RXFP1: variants seen among roughly 807,000 people sequenced by gnomAD.
The protein encoded by RXFP1 is relaxin family peptide receptor 1, also known as relaxin receptor 1.
In RXFP1, 73 loss-of-function variants were observed where a neutral mutation model predicts 89.8. The observed-to-expected ratio is 0.81, with a 90% CI of 0.67 to 0.99. The LOEUF (loss-of-function observed/expected upper bound fraction) is 0.99. Ranked by LOEUF, RXFP1 falls within the 50% of genes least tolerant of loss-of-function variation. The probability of loss-of-function intolerance (pLI) is 0.00; values close to 1 mark genes in which losing one functional copy is unlikely to be tolerated. For missense variants in RXFP1, 793 were observed against 895.5 expected, an observed-to-expected ratio of 0.89 and a Z score of 1.46; for synonymous variants, 277 against 305.5, an observed-to-expected ratio of 0.91 and a Z score of 0.97.
At chr4:158,604,948 T>C in intron 4 of RXFP1, 120 bp from the exon 5 acceptor site, 1 of 523,956 alleles carries the variant, frequency 1.9e-6, no homozygotes, top group Non-Finnish European at 3.5e-6. Context: ...AGAGACATTA[T>C]GAAGCAAAAT....
chr4:158,541,610 C>T (rs748438232), intron 1 of RXFP1, among the ~76,000 whole-genome samples: 2 of 152,020 alleles, frequency 1.3e-5, no homozygotes, highest in Non-Finnish European at 2.9e-5. Flanking sequence ...TATAATCATA[C>T]CCATACACCT....
chr4:158,623,446 G>A (rs1156721183), intron 9 of RXFP1, among the ~76,000 whole-genome samples: 1 of 135,092 alleles, frequency 7.4e-6, no homozygotes, highest in Non-Finnish European at 1.5e-5. Flanking sequence ...AAGTTGCAGT[G>A]AGCCGAGATT....
At chr4:158,627,504 GGTGTGTGTGT>G (rs35872724) in intron 10 of RXFP1, among the ~76,000 whole-genome samples, 6,425 of 143,398 alleles carry the variant, frequency 0.045, 384 homozygotes, top group African/African-American at 0.15. Flanking sequence ...TGAGCCTTAG[GGTGTGTGTGT>G]GTGTGTGTGT....
At chr4:158,544,959 A>G (rs1291252904) in intron 1 of RXFP1, among the ~76,000 whole-genome samples, 1 of 152,026 alleles carries the variant, frequency 6.6e-6, no homozygotes, top group Non-Finnish European at 1.5e-5. Context: ...TTGGGTATAT[A>G]CCCAGTAATG....
intron 1 of RXFP1, among the ~76,000 whole-genome samples, chr4:158,570,832 C>G (rs1396025924): frequency 1.3e-5 from 2 of 152,140 alleles, no homozygotes; most frequent in Non-Finnish European, 2.9e-5. Context: ...AAGGATACTT[C>G]TCTACCTCAT....
intron 4 of RXFP1, 43 bp downstream of exon 4, chr4:158,599,474 C>T (rs900734023): frequency 6.8e-7 from 1 of 1,463,544 alleles, no homozygotes; most frequent in Non-Finnish European, 9.5e-7. Flanking sequence ...CTGGGTAGCA[C>T]CTGTAAAATT....
rs762394614 is a variant in RXFP1, at chr4:158,645,089, T to C, written c.1296T>C (p.Tyr432=). The change falls in exon 15 of 18, where the codon TAT becomes TAC. Residue 432 remains tyrosine, a synonymous_variant. Coordinates refer to ENST00000307765, the MANE Select transcript of RXFP1 (RefSeq NM_021634.4). ...GNIFVICMRP[Y]IRSENKLYAM... is the part of the protein sequence containing the mutation. The stretch of plus-strand genomic sequence containing the variant: ...TTTTTGTCATTTGCATGCGACCTTA[T>C]ATCAGGTCTGAGAACAAGCTGTATG... 6.2e-7 allele frequency: 1 copy of C among 1,614,180 alleles called. No homozygotes were observed. Among genetic ancestry groups the C allele is most frequent in the South Asian group, 1.1e-5 (1 of 91,080 alleles).
At chr4:158,544,273 C>G (rs988222765) in intron 1 of RXFP1, 3 of 985,140 alleles carry the variant, frequency 3.0e-6, no homozygotes, top group Non-Finnish European at 3.6e-6. Flanking sequence ...TGTTTCTGAC[C>G]TTGTGGGACA....
In RXFP1 at chr4:158,593,465, C is replaced by G. The variant is rs749301658; in HGVS notation, c.252C>G (p.Ser84=). 1 of 1,610,750 alleles carries G rather than the reference C, an allele frequency of 6.2e-7. No individual in the cohort carries two copies. The highest frequency in any genetic ancestry group is 1.1e-5 in the South Asian group (1 of 90,804). The change falls in exon 3 of 18, where the codon TCC becomes TCG. Residue 84 remains serine, a synonymous_variant. Coordinates refer to ENST00000307765, the MANE Select transcript of RXFP1 (RefSeq NM_021634.4). ...TTGCCAGTTACTACAAAATGACTTC[C>G]CAATATCCTTTTGAGGCAGAAACAC... The part of the protein sequence containing the change: ...KYFASYYKMT[S]QYPFEAETPE...
chr4:158,618,124 T>C (rs1764946186), intron 9 of RXFP1, among the ~76,000 whole-genome samples: 2 of 152,120 alleles, frequency 1.3e-5, no homozygotes, highest in South Asian at 2.1e-4. Flanking sequence ...TACTGTACTG[T>C]ACATTGAAAA....
intron 1 of RXFP1, among the ~76,000 whole-genome samples, chr4:158,532,082 C>T (rs1661092029): frequency 6.6e-6 from 1 of 152,000 alleles, no homozygotes; most frequent in South Asian, 2.1e-4. Context: ...GAATTTTCCC[C>T]CCCTCCTCCC....
At chr4:158,598,746 A>G (rs1416916293) in intron 3 of RXFP1, among the ~76,000 whole-genome samples, 2 of 152,038 alleles carry the variant, frequency 1.3e-5, no homozygotes, top group African/African-American at 4.8e-5. Context: ...TCACTCCCAT[A>G]AATAAACTTT....
At chr4:158,568,144 C>A (rs1289963310) in intron 1 of RXFP1, among the ~76,000 whole-genome samples, 3 of 152,284 alleles carry the variant, frequency 2.0e-5, no homozygotes, top group Middle Eastern at 3.4e-3. Context: ...GACCACGAAC[C>A]CACCAGAAGG....
In RXFP1 at chr4:158,632,728, A is replaced by C. The variant is rs184335946; in HGVS notation, c.900-677A>C. Among the ~76,000 whole-genome samples the C allele has an allele frequency of 6.4e-4, 97 of 152,336 alleles. 1 individual carries two copies. Among genetic ancestry groups the C allele is most frequent in the Admixed American group, 6.1e-3 (93 of 15,308 alleles). On this transcript the variant is annotated intron_variant, in intron 11 of 17. Coordinates refer to ENST00000307765, the MANE Select transcript of RXFP1 (RefSeq NM_021634.4). ...TGTGGAAGAAACTCGAACTTGAAAT[A>C]ATACACTTCCATAATAATCACAACA...
Position 158,639,271 on chromosome 4 carries a change from G to T in RXFP1, c.1055G>T (p.Gly352Val), listed in dbSNP as rs754529885. 1.3e-6 allele frequency: 2 copies of T among 1,545,998 alleles called. No homozygotes were observed. Among genetic ancestry groups the T allele is most frequent in the Non-Finnish European group, 1.8e-6 (2 of 1,118,260 alleles). The change falls in exon 14 of 18, where the codon GGG becomes GTG. Residue 352 changes from glycine (G) to valine (V), a missense_variant. Coordinates refer to ENST00000307765, the MANE Select transcript of RXFP1 (RefSeq NM_021634.4). Reference protein sequence around the residue: ...LVKLKSLSLEGIEISNIQQRM... With the variant: ...LVKLKSLSLEVIEISNIQQRM... Reference sequence around the variant, plus strand: ...TTTGATATTTTTAGCAGCCTAGAAGGGATTGAAATTTCAAATATCCAACAA... The same window carrying T: ...TTTGATATTTTTAGCAGCCTAGAAGTGATTGAAATTTCAAATATCCAACAA...
rs1773036618 is a variant in RXFP1, at chr4:158,653,319, T to C, written c.*1264T>C. On this transcript the variant is annotated 3_prime_UTR_variant, in exon 18 of 18. Transcript: ENST00000307765. The stretch of plus-strand genomic sequence containing the variant: ...AACCATAATGCACTTATTGAATATA[T>C]AGTTGTATAGATTTGTTCTGAAAAT... 3 of 152,216 alleles carry C rather than the reference T, an allele frequency of 2.0e-5. No individual in the cohort carries two copies. Among genetic ancestry groups the C allele is most frequent in the Non-Finnish European group, 1.5e-5 (1 of 68,030 alleles). The allele number at this position is 152,216 out of a possible 1,614,324, so 9.4% of individuals were successfully genotyped here. A position where few individuals can be genotyped will look rare whatever the true frequency, so the allele number is the denominator to read the frequency against.
At chr4:158,540,938 T>C (rs1158134677) in intron 1 of RXFP1, among the ~76,000 whole-genome samples, 1 of 152,124 alleles carries the variant, frequency 6.6e-6, no homozygotes, top group Non-Finnish European at 1.5e-5. Context: ...AGTAGTTGTA[T>C]GGAAATGCAT....
At chr4:158,594,308 G>C (rs1409041448) in intron 3 of RXFP1, among the ~76,000 whole-genome samples, 2 of 152,128 alleles carry the variant, frequency 1.3e-5, no homozygotes, top group Non-Finnish European at 2.9e-5. Flanking sequence ...GAAGACTGCA[G>C]TGATAACGCT....
In RXFP1 at chr4:158,648,567, A is replaced by C; in HGVS notation, c.1825A>C (p.Ser609Arg). The C allele has an allele frequency of 1.2e-6, 2 of 1,613,356 alleles. No homozygotes were observed. The highest frequency in any genetic ancestry group is 1.7e-6 in the Non-Finnish European group (2 of 1,179,582). ...YGSMFYSVHQSAITATEIRNQ... is the reference protein window; with the variant it reads ...YGSMFYSVHQRAITATEIRNQ... ...AAGCATGTTTTATAGTGTTCATCAA[A>C]GTGCCATAACAGCAACTGAAATACG... The change falls in exon 17 of 18, where the codon AGT becomes CGT. Residue 609 changes from serine (S) to arginine (R), a missense_variant. By Grantham distance (110) the Ser-to-Arg change is moderately radical. Transcript: ENST00000307765.
Sources: gnomAD v4.1 joint callset for allele counts (sites outside exome capture counted in the v4.1 genomes callset) on GRCh38, gnomAD v4.1.1 for gene constraint, MANE v1.5 for transcripts, NCBI Gene and HGNC (gene_info 2026-07-23, HGNC 2026-07-21) for gene names.